Variants in RAP1GAP2 observed in about 807,000 individuals in gnomAD.
RAP1GAP2 encodes the protein rap1 GTPase-activating protein 2.
RAP1GAP2 carries 27 observed loss-of-function variants against 95.0 expected under a neutral mutation model. The ratio of observed to expected loss-of-function variants is 0.28; its 90% confidence interval spans 0.21 to 0.39. The LOEUF is 0.39. Ranked by LOEUF, RAP1GAP2 falls within the 10% of genes least tolerant of loss-of-function variation. The probability of loss-of-function intolerance (pLI) is 1.00; values close to 1 mark genes in which losing one functional copy is unlikely to be tolerated. For synonymous variants in RAP1GAP2, 373 were observed against 380.9 expected, an observed-to-expected ratio of 0.98 and a Z score of 0.24; for missense variants, 771 against 970.0, an observed-to-expected ratio of 0.79 and a Z score of 2.72.
chr17:2,941,523 C>T (rs1187689409), intron 3 of RAP1GAP2, among the ~76,000 whole-genome samples: 7 of 152,148 alleles, frequency 4.6e-5, no homozygotes, highest in Admixed American at 1.3e-4. Flanking sequence ...GAGCCCGAGG[C>T]GCTGTCCAGT....
intron 3 of RAP1GAP2, among the ~76,000 whole-genome samples, chr17:2,940,755 A>C (rs1035171277): frequency 5.3e-5 from 8 of 152,290 alleles, no homozygotes; most frequent in East Asian, 1.9e-4. Context: ...GGACTTGGCC[A>C]GGTGGGGACT....
At chr17:2,808,992 C>T (rs2069640912) in intron 2 of RAP1GAP2, among the ~76,000 whole-genome samples, 1 of 152,150 alleles carries the variant, frequency 6.6e-6, no homozygotes, top group African/African-American at 2.4e-5. Context: ...CAGGGAGAAG[C>T]AGGGAAGGCG....
chr17:2,994,513 C>T (rs2045887897), intron 12 of RAP1GAP2, among the ~76,000 whole-genome samples: 1 of 152,124 alleles, frequency 6.6e-6, no homozygotes, highest in Middle Eastern at 3.2e-3. Flanking sequence ...GTGGTTGGGC[C>T]TGTATCTTAG....
chr17:2,977,608 G>C (rs1290178721), intron 8 of RAP1GAP2, among the ~76,000 whole-genome samples: 1 of 151,958 alleles, frequency 6.6e-6, no homozygotes, highest in African/African-American at 2.4e-5. Context: ...AGCTGGGCGT[G>C]GTGGCGCATG....
intron 12 of RAP1GAP2, among the ~76,000 whole-genome samples, chr17:2,991,793 CT>C (rs1240232313): frequency 6.6e-6 from 1 of 152,174 alleles, no homozygotes; most frequent in African/African-American, 2.4e-5. Flanking sequence ...GAGACAGAGT[CT>C]TGCTCTGTTG....
upstream of RAP1GAP2, among the ~76,000 whole-genome samples, chr17:2,791,481 T>G (rs1399674631): frequency 6.6e-6 from 1 of 152,206 alleles, no homozygotes; most frequent in Non-Finnish European, 1.5e-5. Context: ...GACCTTACTT[T>G]TCCTGTCTGT....
At chr17:2,787,719 C>T (rs1410421280) in intron 1 of RAP1GAP2, among the ~76,000 whole-genome samples, 1 of 152,106 alleles carries the variant, frequency 6.6e-6, no homozygotes, top group Non-Finnish European at 1.5e-5. Context: ...AGGCGCATGC[C>T]GCCACACCTG....
intron 11 of RAP1GAP2, among the ~76,000 whole-genome samples, chr17:2,987,903 T>C (rs999044460): frequency 1.6e-4 from 24 of 152,354 alleles, no homozygotes; most frequent in African/African-American, 5.3e-4. Flanking sequence ...TGTCTTTGTA[T>C]CATCTGCCGC....
Position 3,020,574 on chromosome 17 carries a change from A to G in RAP1GAP2, c.1730A>G (p.Gln577Arg). The change falls in exon 19 of 25, where the codon CAG (glutamine) becomes CGG (arginine). Residue 577 changes from glutamine (Q) to arginine (R), a missense_variant. By Grantham distance (43) the Gln-to-Arg change is conservative (BLOSUM62 1). Transcript: ENST00000254695. ...CGCCTGCACACGGGCTCAGAAGGCC[A>G]GGGCGACAGCCGGGCACGATGGTAA... ...FPRLHTGSEG[Q>R]GDSRARCDST... 6.2e-7 allele frequency: 1 copy of G among 1,613,814 alleles called. No homozygotes were observed. The highest frequency in any genetic ancestry group is 8.5e-7 in the Non-Finnish European group (1 of 1,179,832).
At position 2,810,027 on chromosome 17, in the gene RAP1GAP2, C is replaced by G. The variant is rs547105911; in HGVS notation, c.80+9477C>G. ...TGGCTTGTGCTGGGACCCTCCCCTC[C>G]CCCCGCCCCACCCCAGGAGTTCCTT... On this transcript the variant is annotated intron_variant, in intron 2 of 24. Transcript: ENST00000254695. Among the ~76,000 whole-genome samples, 301 of 149,250 alleles carry G rather than the reference C, an allele frequency of 2.0e-3. 16 individuals carry two copies. Among genetic ancestry groups the G allele is most frequent in the East Asian group, 7.4e-3 (37 of 5,008 alleles).
intron 3 of RAP1GAP2, among the ~76,000 whole-genome samples, chr17:2,941,413 T>C (rs1168973691): frequency 1.3e-5 from 2 of 151,472 alleles, no homozygotes; most frequent in Non-Finnish European, 2.9e-5. Flanking sequence ...ATCTAAAACA[T>C]AAATTAAAAA....
intron 2 of RAP1GAP2, among the ~76,000 whole-genome samples, chr17:2,822,255 C>T (rs1837222164): frequency 6.6e-6 from 1 of 152,198 alleles, no homozygotes; most frequent in Admixed American, 6.6e-5. Flanking sequence ...CATACAGCCT[C>T]ATTCATGCTC....
intron 3 of RAP1GAP2, among the ~76,000 whole-genome samples, chr17:2,918,674 C>T (rs1014333019): frequency 2.0e-5 from 3 of 151,992 alleles, no homozygotes; most frequent in East Asian, 3.9e-4. Context: ...ATCTTGAGGA[C>T]GGCACCAGGG....
chr17:3,011,428 C>T (rs2046539610), intron 17 of RAP1GAP2, among the ~76,000 whole-genome samples: 1 of 152,148 alleles, frequency 6.6e-6, no homozygotes, highest in Non-Finnish European at 1.5e-5. Flanking sequence ...TCTGGCCCAG[C>T]TCAGGAAACC....
chr17:2,957,807 C>A lies in RAP1GAP2; in HGVS notation c.201+13C>A, dbSNP rs1010453437. ...GGAGAAAATGCAGGTGAGTACGTAC[C>A]CCCACCGTGGCGGGGAAGAAGCCCA... On this transcript the variant is annotated intron_variant, in intron 4 of 24. Coordinates refer to ENST00000254695, the MANE Select transcript of RAP1GAP2 (RefSeq NM_015085.5). 6.3e-7 allele frequency: 1 copy of A among 1,582,754 alleles called. No individual in the cohort carries two copies. The highest frequency in any genetic ancestry group is 1.4e-5 in the African/African-American group (1 of 73,492).
At chr17:2,814,989 C>G (rs2069942596) in intron 2 of RAP1GAP2, among the ~76,000 whole-genome samples, 1 of 152,124 alleles carries the variant, frequency 6.6e-6, no homozygotes, top group South Asian at 2.1e-4. Flanking sequence ...CCTGCCATGC[C>G]CTGTTCAACC....
At chr17:2,985,152 C>A in intron 11 of RAP1GAP2, 86 bp downstream of exon 11, 1 of 1,578,046 alleles carries the variant, frequency 6.3e-7, no homozygotes, top group South Asian at 1.2e-5. Context: ...CACAGGAGTC[C>A]TGACCTGCGT....
chr17:2,822,684 CTT>C (rs1286764692), intron 2 of RAP1GAP2, among the ~76,000 whole-genome samples: 1 of 130,546 alleles, frequency 7.7e-6, no homozygotes, highest in Non-Finnish European at 1.7e-5. Context: ...AATCCCAGCA[CTT>C]TTTTTTTTTC....
intron 2 of RAP1GAP2, among the ~76,000 whole-genome samples, chr17:2,847,580 G>A (rs2071643481): frequency 6.6e-6 from 1 of 152,136 alleles, no homozygotes; most frequent in Non-Finnish European, 1.5e-5. Context: ...ATAGGGTTTT[G>A]GAGAGTCTGC....
Sources: gnomAD v4.1 joint callset for allele counts (sites outside exome capture counted in the v4.1 genomes callset) on GRCh38, gnomAD v4.1.1 for gene constraint, MANE v1.5 for transcripts, NCBI Gene and HGNC (gene_info 2026-07-23, HGNC 2026-07-21) for gene names.